RANBP2: variants seen among roughly 807,000 people sequenced by gnomAD.
The protein encoded by RANBP2 is RAN binding protein 2, also known as E3 SUMO-protein ligase RanBP2.
Under a neutral mutation model 303.6 loss-of-function variants are expected in RANBP2, and 57 were observed. The observed-to-expected ratio is 0.19, with a 90% CI of 0.15 to 0.23. The LOEUF (loss-of-function observed/expected upper bound fraction) is 0.23, where lower values mean the gene tolerates loss of function less well. Ranked by LOEUF, RANBP2 falls within the 10% of genes least tolerant of loss-of-function variation. RANBP2 has a pLI of 1.00. For missense variants in RANBP2, 3,138 were observed against 3,780.8 expected (o/e 0.83, Z 4.46); for synonymous variants, 1,167 against 1,301.5 (o/e 0.90, Z 2.23).
the RANBP2 span, chr2:109,432,789 C>A: frequency 1.5e-6 from 2 of 1,359,626 alleles, no homozygotes; most frequent in South Asian, 1.5e-5. Context: ...GCAAGGCCAC[C>A]AGTGCCCAGG....
chr2:108,979,314 G>A, the RANBP2 span, among the ~76,000 whole-genome samples: 3 of 152,090 alleles, frequency 2.0e-5, no homozygotes, highest in Non-Finnish European at 4.4e-5. Context: ...TCCATTTGGC[G>A]AACCTCACTC....
the RANBP2 span, among the ~76,000 whole-genome samples, chr2:109,293,635 T>C: frequency 6.6e-6 from 1 of 152,224 alleles, no homozygotes; most frequent in Non-Finnish European, 1.5e-5. Context: ...GACTCCTTCA[T>C]TTGTCTTTGG....
Position 108,748,973 on chromosome 2 carries a change from G to C in RANBP2, c.1117G>C (p.Val373Leu), listed in dbSNP as rs779534152. The change falls in exon 9 of 29, where the codon GTT becomes CTT. Residue 373 changes from valine to leucine, a missense_variant. Val to Leu is a conservative substitution (Grantham distance 32). Transcript: ENST00000283195. ...RGKQDFLKEI[V>L]ETFANKSGQS... ...CAAGCAAGATTTTTTAAAAGAGATT[G>C]TTGAAACTTTTGCCAACAAAAGCGG... 6.8e-5 allele frequency: 109 copies of C among 1,611,774 alleles called. No individual in the cohort carries two copies. The highest frequency in any genetic ancestry group is 9.0e-5 in the Non-Finnish European group (106 of 1,179,864).
chr2:109,527,545 G>A, the RANBP2 span, among the ~76,000 whole-genome samples: 98 of 152,228 alleles, frequency 6.4e-4, no homozygotes, highest in Middle Eastern at 3.4e-3. Context: ...GCATGAGAAC[G>A]GATGTCACTG....
the RANBP2 span, among the ~76,000 whole-genome samples, chr2:109,144,343 A>C: frequency 6.6e-6 from 1 of 152,246 alleles, no homozygotes; most frequent in Non-Finnish European, 1.5e-5. Flanking sequence ...GGAAATATAA[A>C]TTTAACATGA....
chr2:108,760,668 A>C (rs947597214), intron 18 of RANBP2, among the ~76,000 whole-genome samples: 9 of 152,320 alleles, frequency 5.9e-5, no homozygotes, highest in Middle Eastern at 3.4e-3. Context: ...GTCATGGTCA[A>C]CAATTCATGC....
chr2:108,726,851 C>T (rs1432255504), intron 1 of RANBP2, among the ~76,000 whole-genome samples: 1 of 152,038 alleles, frequency 6.6e-6, no homozygotes, highest in African/African-American at 2.4e-5. Context: ...GAGCATGCTG[C>T]CTTCAAGCAT....
At chr2:109,481,439 C>T in the RANBP2 span, among the ~76,000 whole-genome samples, 3 of 152,134 alleles carry the variant, frequency 2.0e-5, no homozygotes. Flanking sequence ...CAGTTTGGAG[C>T]TTCTGGTATG....
At position 108,784,088 on chromosome 2, in the gene RANBP2, A is replaced by T. The variant is rs1485912066; in HGVS notation, c.*187A>T. On this transcript the variant is annotated 3_prime_UTR_variant, in exon 29 of 29. Coordinates refer to ENST00000283195, the MANE Select transcript of RANBP2 (RefSeq NM_006267.5). ...TTGACCTTGCATGGTGTGAAATAAA[A>T]GTTTAAACACTGGTGTATTTCAGGT... 6 of 595,266 alleles carry T rather than the reference A, an allele frequency of 1.0e-5. No homozygotes were observed. In the Admixed American group the frequency reaches 1.6e-4, roughly 16 times the overall value. 36.9% of individuals were successfully genotyped at this position (595,266 alleles called of 1,614,324 possible).
the RANBP2 span, among the ~76,000 whole-genome samples, chr2:108,806,565 T>C: frequency 2.0e-5 from 3 of 152,180 alleles, no homozygotes; most frequent in East Asian, 5.8e-4. Context: ...TTGTAGGCCA[T>C]GTGGTCTCTC....
At chr2:109,541,817 G>A in the RANBP2 span, among the ~76,000 whole-genome samples, 4 of 152,170 alleles carry the variant, frequency 2.6e-5, no homozygotes, top group Non-Finnish European at 2.9e-5. Flanking sequence ...AGAGTGCCCT[G>A]CTCCAAACCT....
the RANBP2 span, among the ~76,000 whole-genome samples, chr2:109,513,395 T>C: frequency 6.6e-6 from 1 of 151,376 alleles, no homozygotes; most frequent in African/African-American, 2.4e-5. Flanking sequence ...CATGTACACA[T>C]GCATGCACAT....
At chr2:109,217,167 C>T in the RANBP2 span, among the ~76,000 whole-genome samples, 1 of 152,320 alleles carries the variant, frequency 6.6e-6, no homozygotes, top group Admixed American at 6.5e-5. Context: ...CTTGTTTATT[C>T]ATTCGTCTGC....
chr2:108,960,445 C>T, the RANBP2 span, among the ~76,000 whole-genome samples: 1 of 152,192 alleles, frequency 6.6e-6, no homozygotes, highest in African/African-American at 2.4e-5. Flanking sequence ...CAGAATTTCT[C>T]AGATCAGGCA....
chr2:109,347,716 G>T, the RANBP2 span: 1 of 1,613,858 alleles, frequency 6.2e-7, no homozygotes, highest in East Asian at 2.2e-5. Context: ...CTACAGCTAC[G>T]AGGGGAAGGA....
chr2:109,461,726 A>G, the RANBP2 span, among the ~76,000 whole-genome samples: 1 of 152,228 alleles, frequency 6.6e-6, no homozygotes, highest in Non-Finnish European at 1.5e-5. Context: ...GTCTGCCACA[A>G]TAGTGCCTCA....
chr2:109,235,596 C>T, the RANBP2 span, among the ~76,000 whole-genome samples: 2 of 152,236 alleles, frequency 1.3e-5, no homozygotes, highest in Non-Finnish European at 2.9e-5. Context: ...GATGCCATGG[C>T]ATGGGCCTCG....
chr2:108,973,730 A>G, the RANBP2 span, among the ~76,000 whole-genome samples: 1 of 152,354 alleles, frequency 6.6e-6, no homozygotes, highest in South Asian at 2.1e-4. Flanking sequence ...CAAAACCTGG[A>G]AATTTTTTGG....
the RANBP2 span, among the ~76,000 whole-genome samples, chr2:108,925,155 C>G: frequency 1.8e-4 from 27 of 150,904 alleles, no homozygotes; most frequent in African/African-American, 6.6e-4. Flanking sequence ...CGCTCCTGGG[C>G]TGGGAGGCCC....
Sources: gnomAD v4.1 joint callset for allele counts (sites outside exome capture counted in the v4.1 genomes callset) on GRCh38, gnomAD v4.1.1 for gene constraint, MANE v1.5 for transcripts, NCBI Gene and HGNC (gene_info 2026-07-23, HGNC 2026-07-21) for gene names.